RO60: variants seen among roughly 807,000 people sequenced by gnomAD.
RO60 encodes Ro60, Y RNA binding protein, also known as RNA-binding protein RO60.
Under a neutral mutation model 55.3 loss-of-function variants are expected in RO60, and 20 were observed. The observed-to-expected ratio is 0.36, with a 90% CI of 0.25 to 0.53. The LOEUF is 0.53. Among genes scored for constraint, RO60 ranks in the 20% least tolerant of loss-of-function variants. RO60 has a pLI of 0.92. For synonymous variants in RO60, 213 were observed against 213.6 expected (o/e 1.00, Z 0.02); for missense variants, 558 against 646.6 (o/e 0.86, Z 1.49).
chr1:193,082,715 C>G lies in RO60; in HGVS notation c.1464+7C>G. 1 of 1,594,292 alleles carries G rather than the reference C, an allele frequency of 6.3e-7. No individual in the cohort carries two copies. The highest frequency in any genetic ancestry group is 8.6e-7 in the Non-Finnish European group (1 of 1,167,668). On this transcript the variant is annotated splice_region_variant and intron_variant, in intron 8 of 8. Coordinates refer to ENST00000400968, the MANE Select transcript of RO60 (RefSeq NM_001173524.2). Reference sequence around the variant, plus strand: ...TCTGAGGGAGTATCGAAAGGTAAAACAAATTCTAATACGGTTCCTCACCCA... The same window carrying G: ...TCTGAGGGAGTATCGAAAGGTAAAAGAAATTCTAATACGGTTCCTCACCCA...
chr1:193,071,311 G>A (rs1673479394), intron 2 of RO60, among the ~76,000 whole-genome samples: 1 of 152,180 alleles, frequency 6.6e-6, no homozygotes, highest in African/African-American at 2.4e-5. Flanking sequence ...ATCAGATGTT[G>A]TAATTTACTC....
chr1:193,083,280 TGTAA>T (rs1308740527), intron 8 of RO60, among the ~76,000 whole-genome samples: 2 of 152,246 alleles, frequency 1.3e-5, no homozygotes, highest in Admixed American at 1.3e-4. Flanking sequence ...TTACCTTAGC[TGTAA>T]GTTTTTTTTA....
At chr1:193,084,467 C>T (rs1479533944) in intron 8 of RO60, 112 bp from the exon 9 acceptor site, 59 of 1,284,976 alleles carry the variant, frequency 4.6e-5, no homozygotes, top group Non-Finnish European at 5.4e-5. Flanking sequence ...AAAAAAATGA[C>T]TTTGTATTTA....
rs1226327625 is a variant in RO60, at chr1:193,090,817, A to G, written c.*6086A>G. The G allele has an allele frequency of 4.6e-5, 7 of 152,124 alleles. No homozygotes were observed. The highest frequency in any genetic ancestry group is 7.4e-5 in the Non-Finnish European group (5 of 67,966). The allele number at this position is 152,124 out of a possible 1,614,324, so 9.4% of individuals were successfully genotyped here. Reference sequence around the variant, plus strand: ...GTTACTTTCCTTGGGGTCTGTTTAAATAATGCCTTAATAGTGTTCTAATGT... The same window carrying G: ...GTTACTTTCCTTGGGGTCTGTTTAAGTAATGCCTTAATAGTGTTCTAATGT... On this transcript the variant is annotated 3_prime_UTR_variant, in exon 9 of 9. Transcript: ENST00000400968.
intron 8 of RO60, 68 bp downstream of exon 8, chr1:193,082,776 T>G: frequency 7.1e-7 from 1 of 1,408,030 alleles, no homozygotes; most frequent in South Asian, 1.5e-5. Flanking sequence ...TTTTTTTTTT[T>G]TTTTTGGAGA....
chr1:193,063,753 C>T (rs1357259180), intron 1 of RO60, among the ~76,000 whole-genome samples: 1 of 152,166 alleles, frequency 6.6e-6, no homozygotes, highest in Non-Finnish European at 1.5e-5. Flanking sequence ...TGGACACCAG[C>T]TGTAAATGGG....
rs374953253 is a variant in RO60 at position 193,084,675 on chromosome 1, G to A, written c.1561G>A (p.Gly521Ser). The A allele has an allele frequency of 1.4e-5, 22 of 1,613,684 alleles. No individual in the cohort carries two copies. The Middle Eastern group carries it at 1.2e-3, about 84-fold the overall frequency. Residue 521 changes from glycine (G) to serine (S), a missense_variant, in exon 9 of 9, where the codon GGC becomes AGC. Transcript: ENST00000400968. ...TGATAGAGGCATGTTGGATATGTGC[G>A]GCTTTGATACTGGAGCTCTGGATGT... is the stretch of plus-strand genomic sequence containing the variant. Reference protein sequence around the residue: ...PDDRGMLDMCGFDTGALDVIR... With the variant: ...PDDRGMLDMCSFDTGALDVIR...
At chr1:193,077,481 C>T (rs1488155919) in intron 5 of RO60, among the ~76,000 whole-genome samples, 1 of 152,160 alleles carries the variant, frequency 6.6e-6, no homozygotes, top group Non-Finnish European at 1.5e-5. Flanking sequence ...ACACGTCCTT[C>T]TTCACATGGC....
Position 193,064,085 on chromosome 1 carries a change from G to T in RO60, c.-22+4309G>T, listed in dbSNP as rs151157313. Among the ~76,000 whole-genome samples the T allele has an allele frequency of 3.2e-3, 491 of 152,160 alleles. 3 individuals are homozygous for T. Among genetic ancestry groups the T allele is most frequent in the African/African-American group, 0.011 (468 of 41,488 alleles). ...CAAGGGAAGGATGCAGAACTTCCAT[G>T]CCCATCCTTGTGAAATGTGGGCACA... is the stretch of plus-strand genomic sequence containing the variant. On this transcript the variant is annotated intron_variant, in intron 1 of 8. Transcript: ENST00000400968.
At chr1:193,081,798 A>G (rs549612011) in intron 6 of RO60, among the ~76,000 whole-genome samples, 3 of 152,282 alleles carry the variant, frequency 2.0e-5, no homozygotes, top group Middle Eastern at 6.8e-3. Flanking sequence ...TATTTTAAAA[A>G]TAATGCTTAA....
At chr1:193,079,949 A>G (rs1304166599) in intron 5 of RO60, among the ~76,000 whole-genome samples, 1 of 150,178 alleles carries the variant, frequency 6.7e-6, no homozygotes, top group African/African-American at 2.4e-5. Context: ...CAACATGGTG[A>G]TACCCCGTCT....
At position 193,069,462 on chromosome 1, in the gene RO60, G is replaced by A. The variant is rs1255881526; in HGVS notation, c.408G>A (p.Lys136=). The A allele has an allele frequency of 2.5e-6, 4 of 1,614,190 alleles. No individual in the cohort carries two copies. In the South Asian group the frequency reaches 3.3e-5, roughly 13 times the overall value. ...FTFIQFKKDL[K]ESMKCGMWGR... is the part of the protein sequence containing the mutation. ...TTATCCAGTTTAAGAAAGATCTGAA[G>A]GAAAGCATGAAATGTGGCATGTGGG... Residue 136 remains lysine (K), a synonymous_variant, in exon 2 of 9, where the codon AAG becomes AAA. Transcript: ENST00000400968.
In RO60 at chr1:193,086,772, T is replaced by G. The variant is rs1377439964; in HGVS notation, c.*2041T>G. On this transcript the variant is annotated 3_prime_UTR_variant, in exon 9 of 9. Coordinates refer to ENST00000400968, the MANE Select transcript of RO60 (RefSeq NM_001173524.2). ...ATGGATATGACCTTTCTGAAGTATT[T>G]AGGTAGGTCTAATTAAATGGACTAG... 1 of 152,160 alleles carries G rather than the reference T, an allele frequency of 6.6e-6. No homozygotes were observed. Among genetic ancestry groups the G allele is most frequent in the Non-Finnish European group, 1.5e-5 (1 of 67,996 alleles). 9.4% of individuals were successfully genotyped at this position (152,160 alleles called of 1,614,324 possible).
intron 3 of RO60, among the ~76,000 whole-genome samples, chr1:193,076,283 C>G (rs1241141038): frequency 6.6e-6 from 1 of 152,008 alleles, no homozygotes; most frequent in South Asian, 2.1e-4. Context: ...ATCATCTATG[C>G]ATTTCCTTCA....
chr1:193,067,770 T>G lies in RO60; in HGVS notation c.-21-1264T>G, dbSNP rs575665894. On this transcript the variant is annotated intron_variant, in intron 1 of 8. Coordinates refer to ENST00000400968, the MANE Select transcript of RO60 (RefSeq NM_001173524.2). The stretch of plus-strand genomic sequence containing the variant: ...TTCCAGACAGCTAGTTCTAGGAGTT[T>G]TAGAGCTAATGGAAGGAGTAGAGTG... Among the ~76,000 whole-genome samples, 46 of 152,262 alleles carry G rather than the reference T, an allele frequency of 3.0e-4. No homozygotes were observed. The South Asian group carries it at 7.5e-3, about 25-fold the overall frequency.
At chr1:193,066,251 T>C (rs1250031022) in intron 1 of RO60, among the ~76,000 whole-genome samples, 2 of 152,216 alleles carry the variant, frequency 1.3e-5, no homozygotes, top group Admixed American at 6.5e-5. Context: ...GCTCTCCAAA[T>C]TGAATCTTTC....
chr1:193,077,561 T>C (rs1471111887), intron 5 of RO60, among the ~76,000 whole-genome samples: 6 of 152,136 alleles, frequency 3.9e-5, no homozygotes, highest in African/African-American at 1.2e-4. Flanking sequence ...GAGAACTCAT[T>C]CACTATCACA....
rs1209393967 is a variant in RO60 at position 193,089,744 on chromosome 1, T to G, written c.*5013T>G. ...CTAAAAAGATTTTTCCCTTTGCTTC[T>G]GTTTTATTTAGCCCTGCCATGCACC... On this transcript the variant is annotated 3_prime_UTR_variant, in exon 9 of 9. Transcript: ENST00000400968. 1.3e-5 allele frequency: 2 copies of G among 152,098 alleles called. No individual in the cohort carries two copies. Among genetic ancestry groups the G allele is most frequent in the Non-Finnish European group, 2.9e-5 (2 of 68,012 alleles). 9.4% of individuals were successfully genotyped at this position (152,098 alleles called of 1,614,324 possible).
At chr1:193,066,806 G>T (rs1053173328) in intron 1 of RO60, among the ~76,000 whole-genome samples, 3 of 152,062 alleles carry the variant, frequency 2.0e-5, no homozygotes, top group African/African-American at 7.3e-5. Context: ...TGTCTTTATG[G>T]CTCTACAGGA....
Sources: allele counts gnomAD v4.1 joint callset (sites outside exome capture counted in the v4.1 genomes callset), GRCh38; gene constraint gnomAD v4.1.1; transcripts MANE v1.5; gene names NCBI Gene and HGNC (gene_info 2026-07-23, HGNC 2026-07-21).